The following SLX4IP variants were observed in gnomAD, a reference collection of about 807,000 sequenced individuals.
SLX4IP encodes SLX4 interacting protein.
Under a neutral mutation model 32.9 loss-of-function variants are expected in SLX4IP, and 34 were observed. The ratio of observed to expected loss-of-function variants is 1.03; its 90% CI spans 0.79 to 1.38. The LOEUF (loss-of-function observed/expected upper bound fraction) is 1.38. SLX4IP is among the 40% of genes most tolerant of loss of function. The pLI is 0.00. For missense variants in SLX4IP, 444 were observed against 479.0 expected (o/e 0.93, Z 0.68); for synonymous variants, 172 against 171.7 (o/e 1.00, Z -0.01).
rs570758399 is a variant in SLX4IP, at chr20:10,456,832, A to G, written c.-29-1344A>G. 7.2e-5 allele frequency among the ~76,000 whole-genome samples: 11 copies of G among 152,360 alleles called. No individual in the cohort carries two copies. The East Asian group carries it at 2.1e-3, about 29-fold the overall frequency. ...CTGAGAACAATTTGGGAATATTGCTATATTAACCGCTTTAAGTCTTACAAT... is the reference window on the plus strand; with the variant it reads ...CTGAGAACAATTTGGGAATATTGCTGTATTAACCGCTTTAAGTCTTACAAT... On this transcript the variant is annotated intron_variant, in intron 1 of 7. Coordinates refer to ENST00000334534, the MANE Select transcript of SLX4IP (RefSeq NM_001009608.3).
intron 2 of SLX4IP, among the ~76,000 whole-genome samples, chr20:10,496,092 G>A (rs1162013572): frequency 1.3e-5 from 2 of 150,942 alleles, no homozygotes; most frequent in African/African-American, 4.9e-5. Flanking sequence ...TAATGTATTT[G>A]GACTTATTTC....
At chr20:10,446,052 AGTTT>A (rs1416533748) in intron 1 of SLX4IP, among the ~76,000 whole-genome samples, 3 of 150,298 alleles carry the variant, frequency 2.0e-5, no homozygotes, top group Non-Finnish European at 4.4e-5. Context: ...AAGGTACTGC[AGTTT>A]GTTTAACCAT....
At chr20:10,476,296 G>A (rs1361658157) in intron 2 of SLX4IP, among the ~76,000 whole-genome samples, 2 of 152,212 alleles carry the variant, frequency 1.3e-5, no homozygotes, top group African/African-American at 2.4e-5. Flanking sequence ...CCAACCTTCA[G>A]TAGCATGAAT....
intron 6 of SLX4IP, among the ~76,000 whole-genome samples, chr20:10,608,257 C>A (rs2066926830): frequency 6.6e-6 from 1 of 152,192 alleles, no homozygotes; most frequent in African/African-American, 2.4e-5. Context: ...TTACACAAGT[C>A]ATCTGGCTTC....
intron 4 of SLX4IP, among the ~76,000 whole-genome samples, chr20:10,590,612 C>G (rs2066698268): frequency 6.6e-6 from 1 of 152,144 alleles, no homozygotes; most frequent in Non-Finnish European, 1.5e-5. Flanking sequence ...CCACTCGCCT[C>G]AGCCTCTCAA....
At chr20:10,588,791 A>T (rs941704463) in intron 4 of SLX4IP, among the ~76,000 whole-genome samples, 1 of 152,094 alleles carries the variant, frequency 6.6e-6, no homozygotes, top group Non-Finnish European at 1.5e-5. Flanking sequence ...TCAATGAGGG[A>T]AGGAAGGGGA....
chr20:10,623,390 GTT>G lies in SLX4IP; in HGVS notation c.*13_*14del. 6.3e-7 allele frequency: 1 copy of G among 1,596,400 alleles called. No homozygotes were observed. The highest frequency in any genetic ancestry group is 8.5e-7 in the Non-Finnish European group (1 of 1,171,964). On this transcript the variant is annotated 3_prime_UTR_variant, in exon 8 of 8. Coordinates refer to ENST00000334534, the MANE Select transcript of SLX4IP (RefSeq NM_001009608.3). ...GAAAGAGGCCATTAACACCGAAGAGGTTTGTACCGTTGGAGTTGAGGACATAG... is the reference window on the plus strand; with the variant it reads ...GAAAGAGGCCATTAACACCGAAGAGGTGTACCGTTGGAGTTGAGGACATAG...
At chr20:10,552,045 C>T (rs768552883) in intron 2 of SLX4IP, among the ~76,000 whole-genome samples, 8 of 152,174 alleles carry the variant, frequency 5.3e-5, no homozygotes, top group East Asian at 1.9e-4. Flanking sequence ...GGACAAGATG[C>T]GTGACTGATT....
Position 10,623,475 on chromosome 20 carries a change from A to G in SLX4IP, c.*96A>G. On this transcript the variant is annotated 3_prime_UTR_variant, in exon 8 of 8. Transcript: ENST00000334534. ...TAGATGCCGGGATTTTAAAGGAATT[A>G]ATTAGAATGACTAATTTAAATAGGA... The G allele has an allele frequency of 3.4e-6, 5 of 1,463,248 alleles. No homozygotes were observed. Among genetic ancestry groups the G allele is most frequent in the Non-Finnish European group, 4.6e-6 (5 of 1,098,732 alleles). 90.6% of individuals were successfully genotyped at this position (1,463,248 alleles called of 1,614,324 possible).
chr20:10,567,292 G>T (rs1477560021), intron 4 of SLX4IP, among the ~76,000 whole-genome samples: 1 of 152,170 alleles, frequency 6.6e-6, no homozygotes, highest in Non-Finnish European at 1.5e-5. Flanking sequence ...CATTGGAAAT[G>T]GTCCCCAATG....
At chr20:10,440,670 C>T (rs969762997) in intron 1 of SLX4IP, among the ~76,000 whole-genome samples, 20 of 152,122 alleles carry the variant, frequency 1.3e-4, no homozygotes, top group African/African-American at 4.6e-4. Context: ...ACCCCTTCAC[C>T]TTTGGCAACC....
At chr20:10,600,044 A>T (rs2066822560) in intron 5 of SLX4IP, among the ~76,000 whole-genome samples, 1 of 151,112 alleles carries the variant, frequency 6.6e-6, no homozygotes, top group Non-Finnish European at 1.5e-5. Flanking sequence ...CAATTTTATG[A>T]TTTTTTTAGG....
chr20:10,535,280 A>G (rs1409174633), intron 2 of SLX4IP, among the ~76,000 whole-genome samples: 1 of 152,158 alleles, frequency 6.6e-6, no homozygotes, highest in Non-Finnish European at 1.5e-5. Context: ...CCACTGGCTG[A>G]GTCAAAACAG....
chr20:10,603,594 G>A (rs1479615980), intron 6 of SLX4IP, among the ~76,000 whole-genome samples: 1 of 152,152 alleles, frequency 6.6e-6, no homozygotes, highest in African/African-American at 2.4e-5. Context: ...GTCTTTAGTT[G>A]TGGTCAGTTT....
chr20:10,552,143 G>GA (rs1445040118), intron 2 of SLX4IP, among the ~76,000 whole-genome samples: 1 of 152,246 alleles, frequency 6.6e-6, no homozygotes, highest in African/African-American at 2.4e-5. Context: ...AGCCAGACCA[G>GA]ACCCTGGCTG....
chr20:10,459,084 T>G (rs989000161), intron 2 of SLX4IP, among the ~76,000 whole-genome samples: 1 of 152,208 alleles, frequency 6.6e-6, no homozygotes, highest in Non-Finnish European at 1.5e-5. Context: ...ATTGCATTGT[T>G]TTGGATTTGC....
rs761622738 is a variant in SLX4IP at position 10,622,657 on chromosome 20, A to G, written c.507-2A>G. ...CCATAAAATCATTTTTGTTTGTTTC[A>G]GTGTGAAAAGAACTGAAACAAAAAG... On this transcript the variant is annotated splice_acceptor_variant, in intron 7 of 7. Transcript: ENST00000334534. LOFTEE classifies it high-confidence loss of function. 6.3e-7 allele frequency: 1 copy of G among 1,599,754 alleles called. No homozygotes were observed. The highest frequency in any genetic ancestry group is 1.1e-5 in the South Asian group (1 of 90,662).
At chr20:10,618,530 G>T (rs936778604) in intron 6 of SLX4IP, among the ~76,000 whole-genome samples, 1 of 152,206 alleles carries the variant, frequency 6.6e-6, no homozygotes, top group African/African-American at 2.4e-5. Flanking sequence ...CAGGTTGTAA[G>T]GAATCATTTA....
intron 2 of SLX4IP, among the ~76,000 whole-genome samples, chr20:10,522,599 C>G (rs2122451202): frequency 6.6e-6 from 1 of 152,292 alleles, no homozygotes; most frequent in South Asian, 2.1e-4. Context: ...TTTTGTTGAC[C>G]TGTTGCATTC....
Sources: gnomAD v4.1 joint callset for allele counts (sites outside exome capture counted in the v4.1 genomes callset) on GRCh38, gnomAD v4.1.1 for gene constraint, MANE v1.5 for transcripts, NCBI Gene and HGNC (gene_info 2026-07-23, HGNC 2026-07-21) for gene names.